TEK: variants seen among roughly 807,000 people sequenced by gnomAD.
TEK encodes TEK receptor tyrosine kinase, also known as angiopoietin-1 receptor.
Under a neutral mutation model 131.8 loss-of-function variants are expected in TEK, and 43 were observed. The observed-to-expected ratio is 0.33, with a 90% CI of 0.26 to 0.42. The LOEUF (loss-of-function observed/expected upper bound fraction) is 0.42. Ranked by LOEUF, TEK falls within the 10% of genes least tolerant of loss-of-function variation. TEK has a pLI of 1.00. For missense variants in TEK, 1,162 were observed against 1,384.4 expected (o/e 0.84, Z 2.55); for synonymous variants, 580 against 491.6 (o/e 1.18, Z -2.38).
chr9:27,223,020 AAAG>A (rs1826151815), intron 21 of TEK, among the ~76,000 whole-genome samples: 1 of 152,190 alleles, frequency 6.6e-6, no homozygotes, highest in South Asian at 2.1e-4. Context: ...CAAAGGAGAC[AAAG>A]AAGGACATTA....
At chr9:27,142,688 A>T (rs2131088450) in intron 1 of TEK, among the ~76,000 whole-genome samples, 1 of 152,332 alleles carries the variant, frequency 6.6e-6, no homozygotes, top group African/African-American at 2.4e-5. Context: ...CAAACAATGG[A>T]TATGGAGAAG....
At chr9:27,223,554 G>T (rs1826178464) in intron 21 of TEK, among the ~76,000 whole-genome samples, 1 of 152,160 alleles carries the variant, frequency 6.6e-6, no homozygotes, top group Admixed American at 6.5e-5. Context: ...AAATAAAGAT[G>T]TTCTCTGAAA....
At chr9:27,169,358 A>G (rs1364892472) in intron 3 of TEK, 119 bp from the exon 4 acceptor site, 19 of 1,310,694 alleles carry the variant, frequency 1.4e-5, no homozygotes, top group East Asian at 9.2e-5. Flanking sequence ...CCCACATCCA[A>G]TATGTGAGAG....
At chr9:27,167,430 G>A (rs1450318330) in intron 2 of TEK, among the ~76,000 whole-genome samples, 1 of 152,054 alleles carries the variant, frequency 6.6e-6, no homozygotes, top group African/African-American at 2.4e-5. Context: ...GTTTTGCCAT[G>A]TTGGCCAGGC....
In TEK at chr9:27,142,561, G is replaced by A. The variant is rs545530935; in HGVS notation, c.53-15270G>A. On this transcript the variant is annotated intron_variant, in intron 1 of 22. Coordinates refer to ENST00000380036, the MANE Select transcript of TEK (RefSeq NM_000459.5). ...CTGAGTTTTGGCAAGGAGGGTGAAT[G>A]GGAAATGAGATCCAAGAGAAATCTG... Among the ~76,000 whole-genome samples the A allele has an allele frequency of 7.2e-5, 11 of 152,326 alleles. No individual in the cohort carries two copies. The South Asian group carries it at 2.3e-3, about 32-fold the overall frequency.
At chr9:27,215,745 G>A (rs1343544158) in intron 18 of TEK, among the ~76,000 whole-genome samples, 1 of 151,410 alleles carries the variant, frequency 6.6e-6, no homozygotes, top group African/African-American at 2.4e-5. Flanking sequence ...GTCAGACACA[G>A]TCTCCACCTT....
At chr9:27,122,164 T>C (rs1821819025) in intron 1 of TEK, among the ~76,000 whole-genome samples, 1 of 152,214 alleles carries the variant, frequency 6.6e-6, no homozygotes, top group Non-Finnish European at 1.5e-5. Context: ...CCTTTTTATG[T>C]ACTAGGAATC....
At chr9:27,194,201 T>C (rs1380237230) in intron 11 of TEK, among the ~76,000 whole-genome samples, 2 of 152,172 alleles carry the variant, frequency 1.3e-5, no homozygotes, top group African/African-American at 4.8e-5. Context: ...TTGCCTGTGT[T>C]TTACTCCATT....
chr9:27,141,869 G>C (rs1005305841), intron 1 of TEK, among the ~76,000 whole-genome samples: 1 of 152,118 alleles, frequency 6.6e-6, no homozygotes, highest in African/African-American at 2.4e-5. Context: ...AGGTATAATG[G>C]GTTTGGATTT....
chr9:27,202,712 A>G, intron 12 of TEK, 108 bp from the exon 13 acceptor site: 1 of 1,215,382 alleles, frequency 8.2e-7, no homozygotes, highest in Non-Finnish European at 1.2e-6. Flanking sequence ...CATATGAGAA[A>G]ACATTTGTTT....
chr9:27,112,196 C>G (rs615636), intron 1 of TEK, among the ~76,000 whole-genome samples: 143,307 of 152,216 alleles, frequency 0.94, 67,986 homozygotes, highest in East Asian at 1. Context: ...ACCACGCCCG[C>G]CCTTGTCACT....
intron 1 of TEK, among the ~76,000 whole-genome samples, chr9:27,132,297 A>G (rs1822258144): frequency 6.6e-6 from 1 of 152,088 alleles, no homozygotes; most frequent in African/African-American, 2.4e-5. Context: ...CATGTTGGTC[A>G]GGCTGGTCTT....
chr9:27,228,393 A>T, intron 22 of TEK, 88 bp downstream of exon 22: 1 of 1,063,862 alleles, frequency 9.4e-7, no homozygotes, highest in Non-Finnish European at 1.4e-6. Flanking sequence ...ATAATTGAAG[A>T]AGTTCTTCTT....
chr9:27,213,124 A>G (rs572510781), intron 17 of TEK, among the ~76,000 whole-genome samples: 4 of 152,266 alleles, frequency 2.6e-5, no homozygotes, highest in African/African-American at 9.6e-5. Context: ...ATTTTCTTCT[A>G]TCTAATTTCA....
intron 2 of TEK, among the ~76,000 whole-genome samples, chr9:27,159,126 A>G (rs751881037): frequency 6.6e-6 from 1 of 152,194 alleles, no homozygotes; most frequent in Non-Finnish European, 1.5e-5. Context: ...TTGCCTGGCT[A>G]TAGGCTTAGT....
chr9:27,184,784 T>C (rs1020097123), intron 8 of TEK, among the ~76,000 whole-genome samples: 8 of 152,084 alleles, frequency 5.3e-5, no homozygotes, highest in Non-Finnish European at 1.2e-4. Flanking sequence ...ATGCCTGCAA[T>C]CCCAGTGCTT....
At chr9:27,117,790 C>G (rs535157184) in intron 1 of TEK, among the ~76,000 whole-genome samples, 1 of 152,188 alleles carries the variant, frequency 6.6e-6, no homozygotes, top group Admixed American at 6.5e-5. Flanking sequence ...GCCCCTTGCC[C>G]AGGGCTTGAC....
chr9:27,229,020 T>C (rs1826453192), intron 22 of TEK, 138 bp from the exon 23 acceptor site: 1 of 768,638 alleles, frequency 1.3e-6, no homozygotes, highest in South Asian at 1.4e-5. Context: ...ACAGAGGGAC[T>C]GAGGACAGAA....
chr9:27,226,875 T>C (rs1000056671), intron 21 of TEK, among the ~76,000 whole-genome samples: 5 of 152,166 alleles, frequency 3.3e-5, no homozygotes, highest in African/African-American at 1.2e-4. Flanking sequence ...ACTGGCATGT[T>C]TGAAGACTGC....
Sources: allele counts gnomAD v4.1 joint callset (sites outside exome capture counted in the v4.1 genomes callset), GRCh38; gene constraint gnomAD v4.1.1; transcripts MANE v1.5; gene names NCBI Gene and HGNC (gene_info 2026-07-23, HGNC 2026-07-21).